The following NUP205 variants were observed in gnomAD, a reference collection of about 807,000 sequenced individuals.
The protein encoded by NUP205 is nuclear pore complex protein Nup205.
NUP205 carries 76 observed loss-of-function variants against 253.8 expected under a neutral mutation model. The ratio of observed to expected loss-of-function variants is 0.30; its 90% confidence interval spans 0.25 to 0.36. NUP205 has a LOEUF of 0.36. NUP205 is among the 10% of genes least tolerant of loss of function. NUP205 has a pLI of 1.00. For missense variants in NUP205, 2,162 were observed against 2,425.5 expected, an observed-to-expected ratio of 0.89 and a Z score of 2.28; for synonymous variants, 832 against 850.1, an observed-to-expected ratio of 0.98 and a Z score of 0.37.
intron 35 of NUP205, among the ~76,000 whole-genome samples, chr7:135,633,672 G>T (rs775299297): frequency 3.9e-5 from 6 of 152,014 alleles, no homozygotes; most frequent in Non-Finnish European, 7.4e-5. Context: ...CAAACTTCTG[G>T]CCTCAAGCAA....
At position 135,638,609 on chromosome 7, in the gene NUP205, C is replaced by T; in HGVS notation, c.5318C>T (p.Pro1773Leu). 6.2e-7 allele frequency: 1 copy of T among 1,613,818 alleles called. No homozygotes were observed. The highest frequency in any genetic ancestry group is 8.5e-7 in the Non-Finnish European group (1 of 1,179,770). ...CAGTCACTCATGTTACAGAGTTCCC[C>T]TACCTTCCAGCATGCTGTGTGTCTC... ...YCQSLMLQSSPTFQHAVCLFT... is the reference protein window; with the variant it reads ...YCQSLMLQSSLTFQHAVCLFT... Residue 1773 changes from proline (P) to leucine (L), a missense_variant, in exon 38 of 43, where the codon CCT becomes CTT. Coordinates refer to ENST00000285968, the MANE Select transcript of NUP205 (RefSeq NM_015135.3).
At chr7:135,645,849 T>C (rs1584696522) in intron 41 of NUP205, 2 of 576,346 alleles carry the variant, frequency 3.5e-6, no homozygotes, top group East Asian at 5.7e-5. Context: ...AGGGGGCTGA[T>C]CCAGCTCTAG....
intron 2 of NUP205, among the ~76,000 whole-genome samples, chr7:135,571,908 C>T (rs1393851615): frequency 6.6e-6 from 1 of 152,200 alleles, no homozygotes; most frequent in Non-Finnish European, 1.5e-5. Flanking sequence ...GCTCTGTCCT[C>T]CAGACTGGAG....
In NUP205 at chr7:135,585,731, T is replaced by G. The variant is rs140321091; in HGVS notation, c.1218+724T>G. On this transcript the variant is annotated intron_variant, in intron 8 of 42. Transcript: ENST00000285968. ...CACACCTGGGTAGTTTTTTGTATTTTTATTAGAATGGGGTTTCACCATATT... is the reference window on the plus strand; with the variant it reads ...CACACCTGGGTAGTTTTTTGTATTTGTATTAGAATGGGGTTTCACCATATT... Among the ~76,000 whole-genome samples the G allele has an allele frequency of 7.1e-3, 1,078 of 152,190 alleles. 5 individuals are homozygous for G. Among genetic ancestry groups the G allele is most frequent in the Non-Finnish European group, 0.012 (798 of 68,010 alleles).
rs755014810 is a variant in NUP205, at chr7:135,645,534, C to T, written c.5750C>T (p.Pro1917Leu). ...GAGTACTACTTGTTACATTGCATGC[C>T]CACGGATTCTCAAGATTCCTTATTT... ...HLEYYLLHCMPTDSQDSLFAS... is the reference protein window; with the variant it reads ...HLEYYLLHCMLTDSQDSLFAS... Residue 1917 changes from proline (P) to leucine (L), a missense_variant, in exon 41 of 43, where the codon CCC becomes CTC. Transcript: ENST00000285968. The T allele has an allele frequency of 3.1e-6, 5 of 1,613,932 alleles. No individual in the cohort carries two copies. In the East Asian group the frequency reaches 8.9e-5, roughly 29 times the overall value.
chr7:135,596,956 CAA>C (rs202161616), intron 13 of NUP205, among the ~76,000 whole-genome samples: 41 of 89,504 alleles, frequency 4.6e-4, no homozygotes, highest in Non-Finnish European at 4.6e-4. Flanking sequence ...GACTCTGTCT[CAA>C]AAAAAAAAAA....
At chr7:135,578,962 A>G (rs760665808) in intron 7 of NUP205, 47 bp downstream of exon 7, 2 of 1,454,764 alleles carry the variant, frequency 1.4e-6, no homozygotes, top group Non-Finnish European at 9.3e-7. Flanking sequence ...GCATGTTAGC[A>G]CTTAATGACA....
intron 10 of NUP205, among the ~76,000 whole-genome samples, chr7:135,591,112 T>C (rs1477299881): frequency 6.6e-6 from 1 of 151,598 alleles, no homozygotes; most frequent in Non-Finnish European, 1.5e-5. Context: ...ATAGGAACTC[T>C]GGATTTTAAG....
At chr7:135,587,429 A>G (rs73725153) in intron 8 of NUP205, 146 bp from the exon 9 acceptor site, 13,677 of 413,840 alleles carry the variant, frequency 0.033, 290 homozygotes, top group Middle Eastern at 0.076. Context: ...GATTCCTGGC[A>G]TGTTTCTTCA....
At chr7:135,603,155 G>A (rs550288925) in intron 18 of NUP205, among the ~76,000 whole-genome samples, 161 bp downstream of exon 18, 8 of 120,586 alleles carry the variant, frequency 6.6e-5, no homozygotes, top group Admixed American at 1.2e-4. Flanking sequence ...TCGCTCTGTC[G>A]TCCAGGCTAG....
intron 1 of NUP205, among the ~76,000 whole-genome samples, chr7:135,561,085 C>G (rs772054417): frequency 3.9e-5 from 6 of 152,254 alleles, no homozygotes; most frequent in Non-Finnish European, 5.9e-5. Context: ...TGGCTTATGC[C>G]TGTAATCCCA....
At position 135,622,877 on chromosome 7, in the gene NUP205, C is replaced by T; in HGVS notation, c.4431C>T (p.Leu1477=). 6.2e-7 allele frequency: 1 copy of T among 1,614,148 alleles called. No homozygotes were observed. ...IAIIESYGAA[L]MEVVCRDACD... is the part of the protein sequence containing the mutation. ...TTATTGAAAGTTATGGCGCCGCCCT[C>T]ATGGAAGTGGTCTGTCGAGATGCTT... Residue 1477 remains leucine, a synonymous_variant, in exon 31 of 43, where the codon CTC becomes CTT. Transcript: ENST00000285968.
Position 135,645,537 on chromosome 7 carries a change from C to T in NUP205, c.5753C>T (p.Thr1918Met), listed in dbSNP as rs752913026. 3.4e-5 allele frequency: 55 copies of T among 1,613,904 alleles called. 1 individual carries two copies. The South Asian group carries it at 4.1e-4, about 12-fold the overall frequency. The part of the protein sequence containing the change: ...LEYYLLHCMP[T>M]DSQDSLFASR... ...TACTACTTGTTACATTGCATGCCCA[C>T]GGATTCTCAAGATTCCTTATTTGCC... is the stretch of plus-strand genomic sequence containing the variant. Residue 1918 changes from threonine (T) to methionine (M), a missense_variant, in exon 41 of 43, where the codon ACG (threonine) becomes ATG (methionine). Thr to Met is a moderately conservative substitution (Grantham distance 81, BLOSUM62 -1). This residue lies in a region of NUP205 where 1,144 missense variants were observed against 1,280.9 expected (regional missense o/e 0.89). Transcript: ENST00000285968.
chr7:135,591,673 G>A, intron 11 of NUP205, 73 bp downstream of exon 11: 1 of 1,352,040 alleles, frequency 7.4e-7, no homozygotes, highest in South Asian at 1.3e-5. Flanking sequence ...TACCTATTAA[G>A]AACATTGGTG....
intron 3 of NUP205, among the ~76,000 whole-genome samples, chr7:135,574,793 A>C (rs901880331): frequency 6.6e-6 from 1 of 152,198 alleles, no homozygotes; most frequent in African/African-American, 2.4e-5. Context: ...AAAGAGAGAA[A>C]AATTTCTATA....
intron 22 of NUP205, among the ~76,000 whole-genome samples, chr7:135,610,776 C>G (rs1201230407): frequency 6.6e-6 from 1 of 152,162 alleles, no homozygotes; most frequent in Non-Finnish European, 1.5e-5. Context: ...TTAAATAAAT[C>G]TGATTGTAGC....
At chr7:135,587,748 C>G (rs1269305228) in intron 9 of NUP205, 57 bp downstream of exon 9, 1 of 1,530,002 alleles carries the variant, frequency 6.5e-7, no homozygotes, top group East Asian at 2.3e-5. Context: ...ATTTTTTCCC[C>G]TAACTTTGGA....
intron 20 of NUP205, 79 bp downstream of exon 20, chr7:135,606,305 G>T (rs1010265233): frequency 1.1e-6 from 1 of 951,738 alleles, no homozygotes. Flanking sequence ...ACTTGTAATT[G>T]TTAACTGTTT....
intron 3 of NUP205, 23 bp downstream of exon 3, chr7:135,573,848 CAG>C (rs779314775): frequency 6.3e-7 from 1 of 1,582,640 alleles, no homozygotes; most frequent in Non-Finnish European, 8.6e-7. Context: ...TTAACTGAAA[CAG>C]TGGTAAAATA....
Sources: gnomAD v4.1 joint callset for allele counts (sites outside exome capture counted in the v4.1 genomes callset) on GRCh38, gnomAD v4.1.1 for gene constraint, gnomAD v4.1.1 regional missense constraint, MANE v1.5 for transcripts, NCBI Gene and HGNC (gene_info 2026-07-23, HGNC 2026-07-21) for gene names.